Variants in CIDEB observed in about 807,000 individuals in gnomAD.
The protein encoded by CIDEB is lipid transferase CIDEB.
Under a neutral mutation model 22.4 loss-of-function variants are expected in CIDEB, and 27 were observed. The observed-to-expected ratio is 1.21, with a 90% CI of 0.89 to 1.66. CIDEB has a LOEUF of 1.66. Ranked by LOEUF, CIDEB falls within the 40% of genes most tolerant of loss-of-function variation. The pLI is 0.00. For missense variants in CIDEB, 289 were observed against 268.7 expected (o/e 1.08, Z -0.53); for synonymous variants, 103 against 109.5 (o/e 0.94, Z 0.37).
upstream of CIDEB, chr14:24,310,821 G>GGGCGACCGCT (rs775478933): frequency 6.3e-7 from 1 of 1,594,618 alleles, no homozygotes; most frequent in East Asian, 2.2e-5. Flanking sequence ...GCCTGCACGG[G>GGGCGACCGCT]GGCGACCGCT....
At chr14:24,310,529 C>A, upstream of CIDEB, 1 of 975,694 alleles carries the variant, frequency 1.0e-6, no homozygotes. Flanking sequence ...GTCAGGACTC[C>A]CAGGCAGAAA....
upstream of CIDEB, chr14:24,310,960 A>G: frequency 6.3e-7 from 1 of 1,591,700 alleles, no homozygotes; most frequent in South Asian, 1.1e-5. Flanking sequence ...GCGGTGTACT[A>G]CGTGTGCGCG....
At chr14:24,311,282 A>T (rs1235474226), upstream of CIDEB, 4 of 1,592,830 alleles carry the variant, frequency 2.5e-6, no homozygotes, top group Middle Eastern at 3.3e-4. Flanking sequence ...TGACGCTGGC[A>T]CGGCTGCGGG....
chr14:24,310,425 A>C (rs1473871933), upstream of CIDEB: 2 of 658,484 alleles, frequency 3.0e-6, no homozygotes, highest in Non-Finnish European at 5.5e-6. Flanking sequence ...TCTGGGAAGG[A>C]GGCCAGGAGT....
upstream of CIDEB, chr14:24,310,258 A>C: frequency 2.0e-6 from 1 of 511,092 alleles, no homozygotes; most frequent in Non-Finnish European, 3.5e-6. Flanking sequence ...CCAGCTTGGT[A>C]AGTAGATCTG....
chr14:24,311,347 C>A (rs369905908), upstream of CIDEB: 22 of 1,605,546 alleles, frequency 1.4e-5, no homozygotes, highest in Non-Finnish European at 1.9e-5. Flanking sequence ...CTGGTGAGCG[C>A]CATCGTGCTT....
chr14:24,307,683 G>C (rs2041561798), intron 1 of CIDEB, 135 bp downstream of exon 1: 1 of 1,257,286 alleles, frequency 8.0e-7, no homozygotes, highest in Admixed American at 2.0e-5. Flanking sequence ...TGGCTCAGGA[G>C]CTTGACAAGC....
At chr14:24,311,101 G>C (rs765106324), upstream of CIDEB, 35 of 1,566,956 alleles carry the variant, frequency 2.2e-5, no homozygotes, top group African/African-American at 4.8e-4. Context: ...CTGGCGGTCT[G>C]GCTGGCCGCC....
At chr14:24,306,846 C>T (rs2041526530) in intron 2 of CIDEB, 4 of 394,952 alleles carry the variant, frequency 1.0e-5, no homozygotes, top group African/African-American at 4.0e-5. Context: ...TACAATGCTG[C>T]ACCTCACTTC....
chr14:24,305,618 G>C lies in CIDEB; in HGVS notation c.*15C>G, dbSNP rs2041474008. 6.2e-7 allele frequency: 1 copy of C among 1,605,362 alleles called. No individual in the cohort carries two copies. The highest frequency in any genetic ancestry group is 1.1e-5 in the South Asian group (1 of 89,844). ...GTCGGTTGGAATGATTCTGGGGGCA[G>C]AAGCTCAGAGCCCCTTAGTAGGAAT... On this transcript the variant is annotated 3_prime_UTR_variant, in exon 5 of 5. Coordinates refer to ENST00000554411, the MANE Select transcript of CIDEB (RefSeq NM_001393339.1).
chr14:24,305,376 A>C lies in CIDEB; in HGVS notation c.*257T>G, dbSNP rs369738234. ...GCTGGGATCAAGATGCCTGGGGGAC[A>C]TCTTGATCTTGGCCTTTCAGGGCAA... On this transcript the variant is annotated 3_prime_UTR_variant, in exon 5 of 5. Coordinates refer to ENST00000554411, the MANE Select transcript of CIDEB (RefSeq NM_001393339.1). 17 of 571,570 alleles carry C rather than the reference A, an allele frequency of 3.0e-5. No homozygotes were observed. Among genetic ancestry groups the C allele is most frequent in the Non-Finnish European group, 4.1e-5 (14 of 338,000 alleles). 35.4% of individuals were successfully genotyped at this position (571,570 alleles called of 1,614,324 possible). A position where few individuals can be genotyped will look rare whatever the true frequency, so the allele number is the denominator to read the frequency against.
rs780541536 is a variant in CIDEB, at chr14:24,307,415, G to A, written c.142C>T (p.Arg48Trp). 29 of 1,613,846 alleles carry A rather than the reference G, an allele frequency of 1.8e-5. No individual in the cohort carries two copies. Among genetic ancestry groups the A allele is most frequent in the Middle Eastern group, 1.6e-4 (1 of 6,080 alleles). The change falls in exon 2 of 5, where the codon CGG becomes TGG. Residue 48 changes from arginine to tryptophan, a missense_variant. By Grantham distance (101) the Arg-to-Trp change is moderately radical (BLOSUM62 -3). Coordinates refer to ENST00000554411, the MANE Select transcript of CIDEB (RefSeq NM_001393339.1). ...FRVCDHKRTI[R>W]KGLTAATRQE... ...CGGGTGGCAGCTGTCAGGCCTTTCC[G>A]GATGGTCCGCTTGTGATCACAGACA... is the stretch of plus-strand genomic sequence containing the variant.
In CIDEB at chr14:24,305,733, T is replaced by C. The variant is rs765339323; in HGVS notation, c.560A>G (p.Gln187Arg). ...TCCCAGCAACATATGGCCCAGGCCTTGCAGCAGTGTGGAGGTCCAACGAAG... is the reference window on the plus strand; with the variant it reads ...TCCCAGCAACATATGGCCCAGGCCTCGCAGCAGTGTGGAGGTCCAACGAAG... ...ELLRWTSTLL[Q>R]GLGHMLLGIS... The change falls in exon 5 of 5, where the codon CAA (glutamine) becomes CGA (arginine). Residue 187 changes from glutamine to arginine, a missense_variant. Physicochemically the swap from Gln to Arg is conservative, Grantham distance 43. Transcript: ENST00000554411. 3.7e-5 allele frequency: 60 copies of C among 1,614,070 alleles called. No individual in the cohort carries two copies. Among genetic ancestry groups the C allele is most frequent in the Non-Finnish European group, 4.9e-5 (58 of 1,180,038 alleles).
upstream of CIDEB, chr14:24,308,819 T>C (rs1314544772): frequency 6.6e-6 from 1 of 152,188 alleles, no homozygotes; most frequent in Non-Finnish European, 1.5e-5. Context: ...TTCCCCACTT[T>C]TTTTCTGTGT....
chr14:24,306,506 C>T lies in CIDEB; in HGVS notation c.204G>A (p.Leu68=). Residue 68 remains leucine (L), a synonymous_variant, in exon 3 of 5, where the codon CTG becomes CTA. Coordinates refer to ENST00000554411, the MANE Select transcript of CIDEB (RefSeq NM_001393339.1). The part of the protein sequence containing the change: ...ELLAKALETL[L]LNGVLTLVLE... Reference sequence around the variant, plus strand: ...GCACCAGGGTTAGCACTCCATTCAGCAGTAGGGTCTCCAATGCCTGCCCAA... The same window carrying T: ...GCACCAGGGTTAGCACTCCATTCAGTAGTAGGGTCTCCAATGCCTGCCCAA... The T allele has an allele frequency of 6.2e-7, 1 of 1,614,248 alleles. No individual in the cohort carries two copies. The highest frequency in any genetic ancestry group is 8.5e-7 in the Non-Finnish European group (1 of 1,180,040).
rs772356758 is a variant in CIDEB at position 24,305,632 on chromosome 14, C to G, written c.*1G>C. ...TTCTGGGGGCAGAAGCTCAGAGCCCCTTAGTAGGAATGGAGGCGGCCCTTC... is the reference window on the plus strand; with the variant it reads ...TTCTGGGGGCAGAAGCTCAGAGCCCGTTAGTAGGAATGGAGGCGGCCCTTC... On this transcript the variant is annotated 3_prime_UTR_variant, in exon 5 of 5. Transcript: ENST00000554411. 1 of 1,611,954 alleles carries G rather than the reference C, an allele frequency of 6.2e-7. No homozygotes were observed. The highest frequency in any genetic ancestry group is 1.1e-5 in the South Asian group (1 of 90,770).
rs539151319 is a variant in CIDEB, at chr14:24,305,496, C to T, written c.*137G>A. On this transcript the variant is annotated 3_prime_UTR_variant, in exon 5 of 5. Transcript: ENST00000554411. ...GGCGTTATGCTGAAAGGTTCTGTCACGAGGGGATCAGAGGACAGTGGGGAA... is the reference window on the plus strand; with the variant it reads ...GGCGTTATGCTGAAAGGTTCTGTCATGAGGGGATCAGAGGACAGTGGGGAA... 7.9e-5 allele frequency: 83 copies of T among 1,051,574 alleles called. No individual in the cohort carries two copies. Among genetic ancestry groups the T allele is most frequent in the African/African-American group, 6.2e-4 (39 of 63,010 alleles). 65.1% of individuals were successfully genotyped at this position (1,051,574 alleles called of 1,614,324 possible). A position where few individuals can be genotyped will look rare whatever the true frequency, so the allele number is the denominator to read the frequency against.
chr14:24,310,831 T>C (rs746986608), upstream of CIDEB: 45 of 1,595,992 alleles, frequency 2.8e-5, 1 homozygote, highest in African/African-American at 4.0e-4. Flanking sequence ...GGGCGACCGC[T>C]GGCGGCCACG....
At chr14:24,310,524 G>A (rs1303172563), upstream of CIDEB, 1 of 915,504 alleles carries the variant, frequency 1.1e-6, no homozygotes, top group Admixed American at 2.0e-5. Context: ...TGGAAGTCAG[G>A]ACTCCCAGGC....
Sources: allele counts gnomAD v4.1 joint callset, GRCh38; gene constraint gnomAD v4.1.1; transcripts MANE v1.5; gene names NCBI Gene and HGNC (gene_info 2026-07-23, HGNC 2026-07-21).